RAP1GAP: variants seen among roughly 807,000 people sequenced by gnomAD.
The protein encoded by RAP1GAP is rap1 GTPase-activating protein 1.
In RAP1GAP, 35 loss-of-function variants were observed where a neutral mutation model predicts 87.2. The ratio of observed to expected loss-of-function variants is 0.40; its 90% confidence interval spans 0.31 to 0.53. The LOEUF (loss-of-function observed/expected upper bound fraction) is 0.53, where lower values mean the gene tolerates loss of function less well. Among genes scored for constraint, RAP1GAP ranks in the 20% least tolerant of loss-of-function variants. RAP1GAP has a pLI of 0.48. For missense variants in RAP1GAP, 734 were observed against 898.9 expected, an observed-to-expected ratio of 0.82 and a Z score of 2.35; for synonymous variants, 375 against 363.9, an observed-to-expected ratio of 1.03 and a Z score of -0.35.
chr1:21,611,485 G>A lies in RAP1GAP; in HGVS notation c.810C>T (p.Thr270=), dbSNP rs2078266213. 1 of 1,614,060 alleles carries A rather than the reference G, an allele frequency of 6.2e-7. No individual in the cohort carries two copies. Among genetic ancestry groups the A allele is most frequent in the Admixed American group, 1.7e-5 (1 of 60,010 alleles). Residue 270 remains threonine, a synonymous_variant, in exon 13 of 25, where the codon ACC becomes ACT. Coordinates refer to ENST00000374765, the MANE Select transcript of RAP1GAP (RefSeq NM_002885.4). ...RNKEIMFHVS[T]KLPYTEGDAQ... ...CGTCCCCTTCCGTGTATGGCAGCTT[G>A]GTGGACACGTGAAACATGATCTCCT... is the stretch of plus-strand genomic sequence containing the variant.
chr1:21,638,102 C>T (rs759048076), intron 2 of RAP1GAP, among the ~76,000 whole-genome samples: 3 of 145,812 alleles, frequency 2.1e-5, no homozygotes, highest in African/African-American at 5.1e-5. Context: ...AGTGGGCCAA[C>T]ATTGCACCAC....
chr1:21,626,309 G>T lies in RAP1GAP; in HGVS notation c.-24C>A, dbSNP rs546205260. On this transcript the variant is annotated 5_prime_UTR_variant, in exon 3 of 25. Coordinates refer to ENST00000374765, the MANE Select transcript of RAP1GAP (RefSeq NM_002885.4). ...GTATGGAGGGGGACACTTACCTTAG[G>T]GTAGAGTGAAGGAGTATAGGAGGGA... 335 of 1,601,778 alleles carry T rather than the reference G, an allele frequency of 2.1e-4. 1 individual carries two copies. The South Asian group carries it at 3.6e-3, about 17-fold the overall frequency.
chr1:21,610,050 C>T (rs960546504), intron 14 of RAP1GAP, 70 bp downstream of exon 14: 5 of 1,547,168 alleles, frequency 3.2e-6, no homozygotes, highest in African/African-American at 1.4e-5. Context: ...CTCAGAGGGG[C>T]ATCCCAGGGA....
At chr1:21,650,964 G>A (rs1487214358) in intron 1 of RAP1GAP, among the ~76,000 whole-genome samples, 1 of 152,186 alleles carries the variant, frequency 6.6e-6, no homozygotes, top group African/African-American at 2.4e-5. Context: ...CCCCAAGGTG[G>A]GTCCCATGGG....
chr1:21,654,371 C>T (rs1418998724), intron 1 of RAP1GAP, among the ~76,000 whole-genome samples: 1 of 152,186 alleles, frequency 6.6e-6, no homozygotes, highest in Non-Finnish European at 1.5e-5. Context: ...CGACCTTGGT[C>T]AAGTTACTTA....
chr1:21,615,064 C>T lies in RAP1GAP; in HGVS notation c.292-975G>A, dbSNP rs899942612. On this transcript the variant is annotated intron_variant, in intron 7 of 24. Transcript: ENST00000374765. The surrounding 1 kb of genome is among the most constrained non-coding windows in gnomAD (Gnocchi z 4.5). ...GCCTGGGCACAGAGTGGCAGAAACC[C>T]CCAAATGCTTGACATCATCCAGCAG... Among the ~76,000 whole-genome samples the T allele has an allele frequency of 1.3e-5, 2 of 152,184 alleles. No homozygotes were observed. The highest frequency in any genetic ancestry group is 4.8e-5 in the African/African-American group (2 of 41,444).
rs1429840432 is a variant in RAP1GAP at position 21,598,470 on chromosome 1, C to T, written c.1809G>A (p.Lys603=). The T allele has an allele frequency of 1.2e-6, 2 of 1,613,892 alleles. No individual in the cohort carries two copies. Among genetic ancestry groups the T allele is most frequent in the East Asian group, 2.2e-5 (1 of 44,862 alleles). Reference sequence around the variant, plus strand: ...ACGTGCTATAGATGAAGGAGTCCCGCTTGTGGGGTGTTCCTGAGGATGACA... The same window carrying T: ...ACGTGCTATAGATGAAGGAGTCCCGTTTGTGGGGTGTTCCTGAGGATGACA... The part of the protein sequence containing the change: ...ESVSSSGTPH[K]RDSFIYSTWL... The change falls in exon 22 of 25, where the codon AAG becomes AAA. Residue 603 remains lysine, a synonymous_variant. Transcript: ENST00000374765.
intron 1 of RAP1GAP, chr1:21,651,416 AC>A (rs778435031): frequency 1.8e-6 from 1 of 555,746 alleles, no homozygotes; most frequent in East Asian, 4.8e-5. Context: ...AGTTGCGCAC[AC>A]ACGCATGCAC....
chr1:21,638,901 G>A (rs1453146923), intron 2 of RAP1GAP, among the ~76,000 whole-genome samples: 1 of 152,208 alleles, frequency 6.6e-6, no homozygotes, highest in African/African-American at 2.4e-5. Flanking sequence ...ATGTCCCTGA[G>A]CCAGGCGTCA....
rs922499428 is a variant in RAP1GAP at position 21,603,027 on chromosome 1, G to A, written c.1429-114C>T. 5 of 697,800 alleles carry A rather than the reference G, an allele frequency of 7.2e-6. No individual in the cohort carries two copies. Among genetic ancestry groups the A allele is most frequent in the Non-Finnish European group, 1.2e-5 (5 of 422,442 alleles). 43.2% of individuals were successfully genotyped at this position (697,800 alleles called of 1,614,324 possible). A position where few individuals can be genotyped will look rare whatever the true frequency, so the allele number is the denominator to read the frequency against. ...GCCCTGAAGCAGAGTTGATGAGCAA[G>A]AAAGAACGAGAGAAGATATCCATTC... On this transcript the variant is annotated intron_variant, in intron 18 of 24. Coordinates refer to ENST00000374765, the MANE Select transcript of RAP1GAP (RefSeq NM_002885.4). This position sits in a 1 kb window ranked among gnomAD's most constrained non-coding sequence, Gnocchi z 6.0.
At chr1:21,627,731 T>C (rs1464697531) in intron 2 of RAP1GAP, among the ~76,000 whole-genome samples, 2 of 152,130 alleles carry the variant, frequency 1.3e-5, no homozygotes, top group Non-Finnish European at 2.9e-5. Flanking sequence ...TCCCTTCTAA[T>C]TCCACTCAGC....
intron 18 of RAP1GAP, among the ~76,000 whole-genome samples, chr1:21,604,762 G>A (rs1047670107): frequency 7.1e-5 from 10 of 139,910 alleles, no homozygotes; most frequent in African/African-American, 2.4e-4. Flanking sequence ...GCATGCAGTA[G>A]ACAGTCAATA....
intron 3 of RAP1GAP, among the ~76,000 whole-genome samples, chr1:21,620,425 G>A (rs370584485): frequency 1.3e-5 from 2 of 152,200 alleles, no homozygotes; most frequent in African/African-American, 4.8e-5. Context: ...CTCCCGGAAG[G>A]GGGCAAGGCT....
chr1:21,602,740 G>A, intron 19 of RAP1GAP, 64 bp downstream of exon 19: 2 of 1,424,860 alleles, frequency 1.4e-6, no homozygotes, highest in Non-Finnish European at 1.9e-6. Flanking sequence ...GCCTTGCTTT[G>A]CCACCGAATG....
intron 7 of RAP1GAP, 137 bp from the exon 8 acceptor site, chr1:21,614,226 C>T (rs1298509569): frequency 9.7e-6 from 6 of 618,128 alleles, no homozygotes; most frequent in Admixed American, 2.6e-5. Flanking sequence ...GCAGACCCCA[C>T]ATCAGACAGA....
At chr1:21,619,366 G>A (rs762506711) in intron 4 of RAP1GAP, among the ~76,000 whole-genome samples, 1 of 151,882 alleles carries the variant, frequency 6.6e-6, no homozygotes, top group Admixed American at 6.6e-5. Flanking sequence ...GCGAGCTGGC[G>A]GGTGGGGGGA....
intron 3 of RAP1GAP, among the ~76,000 whole-genome samples, chr1:21,621,282 T>G (rs1022459999): frequency 6.6e-6 from 1 of 152,122 alleles, no homozygotes; most frequent in Admixed American, 6.5e-5. Flanking sequence ...GCCCCACTCA[T>G]GGCTACAAGC....
chr1:21,613,378 G>T lies in RAP1GAP; in HGVS notation c.475-149C>A. On this transcript the variant is annotated intron_variant, in intron 9 of 24. Transcript: ENST00000374765. This position sits in a 1 kb window ranked among gnomAD's most constrained non-coding sequence, Gnocchi z 4.7. ...GGACTCGGGGTTCACTGTTGCTCAGGGAACGGAGGTCCCCTGAGATCTGAA... is the reference window on the plus strand; with the variant it reads ...GGACTCGGGGTTCACTGTTGCTCAGTGAACGGAGGTCCCCTGAGATCTGAA... The T allele has an allele frequency of 2.5e-6, 2 of 802,512 alleles. No homozygotes were observed. The highest frequency in any genetic ancestry group is 4.2e-6 in the Non-Finnish European group (2 of 475,004). 49.7% of individuals were successfully genotyped at this position (802,512 alleles called of 1,614,324 possible). A position where few individuals can be genotyped will look rare whatever the true frequency, so the allele number is the denominator to read the frequency against.
chr1:21,601,762 C>T lies in RAP1GAP; in HGVS notation c.1574G>A (p.Ser525Asn). 1 of 1,611,368 alleles carries T rather than the reference C, an allele frequency of 6.2e-7. No individual in the cohort carries two copies. The highest frequency in any genetic ancestry group is 8.5e-7 in the Non-Finnish European group (1 of 1,178,510). The stretch of plus-strand genomic sequence containing the variant: ...CTTGGGCTCCTGTGAGACGTGCCCG[C>T]TGTCTGGGGTCTTCTGACCAGCCGG... ...SPPAGQKTPDSGHVSQEPKSE... is the reference protein window; with the variant it reads ...SPPAGQKTPDNGHVSQEPKSE... The change falls in exon 20 of 25, where the codon AGC (serine) becomes AAC (asparagine). Residue 525 changes from serine to asparagine, a missense_variant. By Grantham distance (46) the Ser-to-Asn change is conservative (BLOSUM62 1). Around this residue, in one of 2 missense-constraint regions of RAP1GAP, gnomAD observed 249 missense variants for 252.7 expected, o/e 0.99. Transcript: ENST00000374765.
Sources: allele counts gnomAD v4.1 joint callset (sites outside exome capture counted in the v4.1 genomes callset), GRCh38; gene constraint gnomAD v4.1.1; regional missense constraint gnomAD v4.1.1; non-coding constraint Gnocchi (gnomAD v3.1); transcripts MANE v1.5; gene names NCBI Gene and HGNC (gene_info 2026-07-23, HGNC 2026-07-21).